The following KIAA0586 variants were observed in gnomAD, a reference collection of about 807,000 sequenced individuals.
KIAA0586 encodes protein TALPID3.
KIAA0586 carries 144 observed loss-of-function variants against 169.8 expected under a neutral mutation model. That is an observed-to-expected ratio of 0.85 (90% confidence interval 0.74 to 0.97). The LOEUF is 0.97. KIAA0586 is among the 50% of genes least tolerant of loss of function. KIAA0586 has a pLI of 0.00. For missense variants in KIAA0586, 1,854 were observed against 1,823.0 expected (o/e 1.02, Z -0.31); for synonymous variants, 625 against 612.4 (o/e 1.02, Z -0.30).
rs2140843741 is a variant in KIAA0586 at position 58,457,791 on chromosome 14, A to G, written c.1395A>G (p.Pro465=). The G allele has an allele frequency of 6.2e-7, 1 of 1,604,834 alleles. No homozygotes were observed. Among genetic ancestry groups the G allele is most frequent in the Non-Finnish European group, 8.5e-7 (1 of 1,175,434 alleles). ...AATCTCTGAGTATGTTGAAGCTTCC[A>G]GATCTTCCACAGAATTCTGTTAAGC... The part of the protein sequence containing the change: ...PKESLSMLKL[P]DLPQNSVKLQ... Residue 465 remains proline (P), a synonymous_variant, in exon 11 of 31, where the codon CCA becomes CCG. Coordinates refer to ENST00000652326, the MANE Select transcript of KIAA0586 (RefSeq NM_001329943.3).
Position 58,467,795 on chromosome 14 carries a change from A to T in KIAA0586, c.2315A>T (p.His772Leu). Residue 772 changes from histidine to leucine, a missense_variant, in exon 16 of 31, where the codon CAC becomes CTC. Physicochemically the swap from His to Leu is moderately conservative, Grantham distance 99. Transcript: ENST00000652326. ...PPAGVIVSKP[H>L]PVTVTTSIPP... ...GCTGGAGTGATTGTCAGCAAGCCAC[A>T]CCCTGTAACTGTGACTACTTCTATT... 6.2e-7 allele frequency: 1 copy of T among 1,613,862 alleles called. No individual in the cohort carries two copies. Among genetic ancestry groups the T allele is most frequent in the Non-Finnish European group, 8.5e-7 (1 of 1,179,790 alleles).
At chr14:58,434,131 A>G (rs1166085597) in intron 4 of KIAA0586, among the ~76,000 whole-genome samples, 1 of 152,212 alleles carries the variant, frequency 6.6e-6, no homozygotes, top group Non-Finnish European at 1.5e-5. Context: ...CTAGTTCTAG[A>G]AGTACGTCAG....
At chr14:58,439,422 C>T (rs573341730) in intron 4 of KIAA0586, among the ~76,000 whole-genome samples, 17 of 152,184 alleles carry the variant, frequency 1.1e-4, no homozygotes, top group Middle Eastern at 3.4e-3. Flanking sequence ...CTCCTGACCT[C>T]GTGATCCGCC....
At chr14:58,447,681 A>G (rs2039016883) in intron 6 of KIAA0586, among the ~76,000 whole-genome samples, 3 of 151,922 alleles carry the variant, frequency 2.0e-5, no homozygotes, top group African/African-American at 2.4e-5. Flanking sequence ...GGGTTTCACC[A>G]TGTTGGCCAG....
chr14:58,551,949 G>C (rs1384230302), downstream of KIAA0586, among the ~76,000 whole-genome samples: 1 of 152,086 alleles, frequency 6.6e-6, no homozygotes, highest in Non-Finnish European at 1.5e-5. Context: ...ATCCATATGT[G>C]CATCTGTTTA....
intron 1 of KIAA0586, 109 bp downstream of exon 1, chr14:58,428,572 T>G: frequency 3.8e-6 from 3 of 785,048 alleles, no homozygotes; most frequent in Non-Finnish European, 6.0e-6. Flanking sequence ...TACAGATGTT[T>G]GAAAACTGAC....
intron 27 of KIAA0586, among the ~76,000 whole-genome samples, chr14:58,503,417 G>T (rs2043714263): frequency 6.6e-6 from 1 of 152,170 alleles, no homozygotes; most frequent in Non-Finnish European, 1.5e-5. Flanking sequence ...TGAATCTTAA[G>T]GGAATTAGCC....
In KIAA0586 at chr14:58,429,268, T is replaced by C. The variant is rs540244457; in HGVS notation, c.200-95T>C. On this transcript the variant is annotated intron_variant, in intron 1 of 30. Transcript: ENST00000652326. Reference sequence around the variant, plus strand: ...AATTGTCTTTCCAACTTCTGCGTTATATGGAGTTTATAGATCTTGAATCAT... The same window carrying C: ...AATTGTCTTTCCAACTTCTGCGTTACATGGAGTTTATAGATCTTGAATCAT... The C allele has an allele frequency of 8.7e-4, 612 of 702,338 alleles. 12 individuals carry two copies. The highest frequency in any genetic ancestry group is 6.6e-3 in the South Asian group (350 of 52,666). 43.5% of individuals were successfully genotyped at this position (702,338 alleles called of 1,614,324 possible). A position where few individuals can be genotyped will look rare whatever the true frequency, so the allele number is the denominator to read the frequency against.
At chr14:58,438,103 C>T (rs544626869) in intron 4 of KIAA0586, among the ~76,000 whole-genome samples, 1 of 152,158 alleles carries the variant, frequency 6.6e-6, no homozygotes, top group African/African-American at 2.4e-5. Context: ...AGAATAGTTG[C>T]AGCATAGCAT....
intron 29 of KIAA0586, among the ~76,000 whole-genome samples, chr14:58,538,786 G>GT (rs1338224444): frequency 2.7e-5 from 4 of 150,552 alleles, no homozygotes; most frequent in Admixed American, 2.7e-4. Context: ...GAGTTCAATT[G>GT]TTTTTTCTTT....
intron 8 of KIAA0586, 23 bp from the exon 9 acceptor site, chr14:58,453,327 A>G (rs2039557870): frequency 8.6e-7 from 1 of 1,158,994 alleles, no homozygotes; most frequent in Non-Finnish European, 1.2e-6. Context: ...TTGGAAAATG[A>G]TACTATATCT....
At chr14:58,476,129 A>G (rs1466915215) in intron 19 of KIAA0586, among the ~76,000 whole-genome samples, 2 of 152,144 alleles carry the variant, frequency 1.3e-5, no homozygotes, top group Non-Finnish European at 2.9e-5. Flanking sequence ...CTGTGCATAA[A>G]ACAAAAGTTT....
Position 58,490,227 on chromosome 14 carries a change from A to T in KIAA0586, c.3845A>T (p.Asp1282Val). Reference protein sequence around the residue: ...LNDSLSSTLHDAVEMEDDPPS... With the variant: ...LNDSLSSTLHVAVEMEDDPPS... Reference sequence around the variant, plus strand: ...GATAGCTTATCCAGCACTCTGCATGATGCCGTTGAAATGGTAAGTAACGAT... The same window carrying T: ...GATAGCTTATCCAGCACTCTGCATGTTGCCGTTGAAATGGTAAGTAACGAT... The change falls in exon 25 of 31, where the codon GAT becomes GTT. Residue 1282 changes from aspartate to valine, a missense_variant. By Grantham distance (152) the Asp-to-Val change is radical. Transcript: ENST00000652326. 2 of 1,534,006 alleles carry T rather than the reference A, an allele frequency of 1.3e-6. No homozygotes were observed. The highest frequency in any genetic ancestry group is 1.7e-4 in the Middle Eastern group (1 of 5,918).
rs143232389 is a variant in KIAA0586 at position 58,434,081 on chromosome 14, C to G, written c.410+1624C>G. On this transcript the variant is annotated intron_variant, in intron 4 of 30. Transcript: ENST00000652326. ...GGGAAAGCAGAAGAAATCAAGTATACCAGATAAAAGAAAACATAAACACAG... is the reference window on the plus strand; with the variant it reads ...GGGAAAGCAGAAGAAATCAAGTATAGCAGATAAAAGAAAACATAAACACAG... Among the ~76,000 whole-genome samples the G allele has an allele frequency of 1.3e-4, 19 of 151,996 alleles. No individual in the cohort carries two copies. In the East Asian group the frequency reaches 3.7e-3, roughly 29 times the overall value.
Position 58,547,817 on chromosome 14 carries a change from C to T in KIAA0586, c.4532C>T (p.Pro1511Leu). 6.2e-7 allele frequency: 1 copy of T among 1,613,654 alleles called. No individual in the cohort carries two copies. Among genetic ancestry groups the T allele is most frequent in the Non-Finnish European group, 8.5e-7 (1 of 1,179,696 alleles). The change falls in exon 31 of 31, where the codon CCC (proline) becomes CTC (leucine). Residue 1511 changes from proline (P) to leucine (L), a missense_variant. By Grantham distance (98) the Pro-to-Leu change is moderately conservative. Coordinates refer to ENST00000652326, the MANE Select transcript of KIAA0586 (RefSeq NM_001329943.3). ...KAVPLSASQMPPAKMSVMLPS... is the reference protein window; with the variant it reads ...KAVPLSASQMLPAKMSVMLPS... ...GTGCCACTCTCCGCTTCACAGATGC[C>T]CCCTGCCAAGATGTCAGTGATGCTG...
intron 25 of KIAA0586, among the ~76,000 whole-genome samples, chr14:58,491,454 C>A (rs2042829547): frequency 6.6e-6 from 1 of 152,134 alleles, no homozygotes; most frequent in Non-Finnish European, 1.5e-5. Flanking sequence ...AACTTTATTT[C>A]ATGAAAAATA....
At chr14:58,528,986 G>T (rs2045779689) in intron 29 of KIAA0586, among the ~76,000 whole-genome samples, 1 of 151,856 alleles carries the variant, frequency 6.6e-6, no homozygotes, top group African/African-American at 2.4e-5. Flanking sequence ...AAAGAGAGAA[G>T]AATCTAATAG....
intron 29 of KIAA0586, among the ~76,000 whole-genome samples, chr14:58,533,663 A>C (rs1425620374): frequency 3.9e-5 from 6 of 152,158 alleles, no homozygotes; most frequent in African/African-American, 1.4e-4. Flanking sequence ...GCCCCACGCT[A>C]TCAAAGCACT....
rs1328557450 is a variant in KIAA0586 at position 58,549,370 on chromosome 14, T to G, written c.*1438T>G. On this transcript the variant is annotated 3_prime_UTR_variant, in exon 31 of 31. Coordinates refer to ENST00000652326, the MANE Select transcript of KIAA0586 (RefSeq NM_001329943.3). ...AAAAAAAAAAGACCTTTTCAGGTAA[T>G]TTTAATGGGCACTCAAGGCTGAGAA... The G allele has an allele frequency of 6.6e-6, 1 of 152,068 alleles. No individual in the cohort carries two copies. The highest frequency in any genetic ancestry group is 1.5e-5 in the Non-Finnish European group (1 of 68,024). 9.4% of individuals were successfully genotyped at this position (152,068 alleles called of 1,614,324 possible).
Sources: gnomAD v4.1 joint callset for allele counts (sites outside exome capture counted in the v4.1 genomes callset) on GRCh38, gnomAD v4.1.1 for gene constraint, MANE v1.5 for transcripts, NCBI Gene and HGNC (gene_info 2026-07-23, HGNC 2026-07-21) for gene names.